SPOCK3: variants seen among roughly 807,000 people sequenced by gnomAD.
The protein encoded by SPOCK3 is testican-3.
A neutral mutation model predicts 56.6 loss-of-function variants in SPOCK3; 30 were observed. The ratio of observed to expected loss-of-function variants is 0.53; its 90% CI spans 0.40 to 0.72. The LOEUF (loss-of-function observed/expected upper bound fraction) is 0.72, where lower values mean the gene tolerates loss of function less well. Ranked by LOEUF, SPOCK3 falls within the 30% of genes least tolerant of loss-of-function variation. The pLI is 0.00. For synonymous variants in SPOCK3, 196 were observed against 183.3 expected (o/e 1.07, Z -0.56); for missense variants, 527 against 530.0 (o/e 0.99, Z 0.06).
chr4:166,777,112 CA>C (rs1739630394), intron 7 of SPOCK3, among the ~76,000 whole-genome samples: 1 of 152,070 alleles, frequency 6.6e-6, no homozygotes, highest in African/African-American at 2.4e-5. Flanking sequence ...AAACAAAACA[CA>C]GGAAGAATTA....
chr4:166,823,219 A>G (rs1745109582), intron 6 of SPOCK3, among the ~76,000 whole-genome samples: 2 of 152,022 alleles, frequency 1.3e-5, no homozygotes, highest in Non-Finnish European at 2.9e-5. Context: ...TCAAAGTGAT[A>G]AACACTTTCA....
intron 2 of SPOCK3, among the ~76,000 whole-genome samples, chr4:167,077,702 A>G (rs1757324085): frequency 6.6e-6 from 1 of 151,948 alleles, no homozygotes; most frequent in Admixed American, 6.6e-5. Context: ...TTGCACCTTA[A>G]TATGGCCCAA....
chr4:167,056,543 A>C (rs1561168415), intron 3 of SPOCK3, among the ~76,000 whole-genome samples: 1 of 152,158 alleles, frequency 6.6e-6, no homozygotes, highest in Non-Finnish European at 1.5e-5. Context: ...TTTGAAAAAA[A>C]TTTAGATGAA....
chr4:167,164,726 A>G (rs371617653), intron 2 of SPOCK3, among the ~76,000 whole-genome samples: 3 of 152,080 alleles, frequency 2.0e-5, no homozygotes, highest in East Asian at 1.9e-4. Flanking sequence ...TTTGCTGAGA[A>G]TGACGGCTTC....
intron 4 of SPOCK3, among the ~76,000 whole-genome samples, chr4:166,939,033 G>A (rs965512382): frequency 2.0e-5 from 3 of 151,778 alleles, no homozygotes; most frequent in Admixed American, 6.6e-5. Flanking sequence ...ATGTTTGTAC[G>A]TATTATAATC....
intron 4 of SPOCK3, among the ~76,000 whole-genome samples, chr4:166,967,288 C>T (rs568376677): frequency 6.6e-6 from 1 of 152,148 alleles, no homozygotes; most frequent in Admixed American, 6.5e-5. Flanking sequence ...AGCTGGTTAT[C>T]CAGTGCCTGA....
intron 2 of SPOCK3, chr4:167,083,154 G>A (rs1483215486): frequency 3.9e-6 from 3 of 764,128 alleles, no homozygotes; most frequent in Non-Finnish European, 7.2e-6. Flanking sequence ...GCCCTAGGCT[G>A]TTCTTCCTAC....
chr4:167,222,318 T>A, intron 2 of SPOCK3, among the ~76,000 whole-genome samples: 1 of 151,954 alleles, frequency 6.6e-6, no homozygotes, highest in East Asian at 1.9e-4. Context: ...TGTGGTTAAA[T>A]GAGTATAAAG....
intron 4 of SPOCK3, among the ~76,000 whole-genome samples, chr4:166,946,531 G>C (rs1741771289): frequency 6.6e-6 from 1 of 152,120 alleles, no homozygotes; most frequent in African/African-American, 2.4e-5. Flanking sequence ...CTCTTTCCCA[G>C]ACAGCCAATC....
At chr4:167,182,508 A>G (rs924650966) in intron 2 of SPOCK3, among the ~76,000 whole-genome samples, 2 of 151,998 alleles carry the variant, frequency 1.3e-5, no homozygotes, top group African/African-American at 4.8e-5. Flanking sequence ...AATCATAAAA[A>G]CATACCTGAC....
chr4:166,908,706 A>C (rs1385503529), intron 5 of SPOCK3, among the ~76,000 whole-genome samples: 1 of 152,102 alleles, frequency 6.6e-6, no homozygotes, highest in African/African-American at 2.4e-5. Flanking sequence ...GTTCTACTCA[A>C]GTCTAAAAGG....
chr4:167,152,539 G>T (rs815225), intron 2 of SPOCK3, among the ~76,000 whole-genome samples: 26,532 of 152,148 alleles, frequency 0.17, 2,453 homozygotes, highest in Admixed American at 0.23. Flanking sequence ...TGACACATCT[G>T]TGTGATAAAA....
At chr4:166,906,450 G>A (rs769529348) in intron 5 of SPOCK3, among the ~76,000 whole-genome samples, 13 of 145,778 alleles carry the variant, frequency 8.9e-5, no homozygotes, top group East Asian at 2.0e-4. Flanking sequence ...GATTATAGGC[G>A]TAAGCCACCA....
At chr4:166,765,077 T>C (rs1332269937) in intron 7 of SPOCK3, among the ~76,000 whole-genome samples, 1 of 152,196 alleles carries the variant, frequency 6.6e-6, no homozygotes, top group Non-Finnish European at 1.5e-5. Flanking sequence ...TCTTTGTAGA[T>C]TCTGGATATT....
At chr4:166,777,729 C>T (rs570585926) in intron 7 of SPOCK3, among the ~76,000 whole-genome samples, 1 of 152,068 alleles carries the variant, frequency 6.6e-6, no homozygotes, top group Admixed American at 6.6e-5. Context: ...AAAGTGAGGC[C>T]TTGTCTCAAA....
chr4:166,896,912 TC>T (rs536682490), intron 5 of SPOCK3, among the ~76,000 whole-genome samples: 33 of 151,890 alleles, frequency 2.2e-4, no homozygotes, highest in Non-Finnish European at 4.4e-4. Flanking sequence ...GCTCAACCCT[TC>T]CCCCCTTCAC....
At chr4:167,231,492 A>AGT (rs747202100) in intron 2 of SPOCK3, among the ~76,000 whole-genome samples, 144 of 152,142 alleles carry the variant, frequency 9.5e-4, no homozygotes, top group Non-Finnish European at 1.7e-3. Flanking sequence ...ATATAAAGTG[A>AGT]GTACATAAAT....
At chr4:167,151,376 G>C (rs1764401069) in intron 2 of SPOCK3, among the ~76,000 whole-genome samples, 1 of 149,358 alleles carries the variant, frequency 6.7e-6, no homozygotes, top group East Asian at 2.0e-4. Context: ...AACCCCAAAG[G>C]CTGCTCAGGC....
chr4:167,035,074 A>G (rs1752615840), intron 3 of SPOCK3, among the ~76,000 whole-genome samples: 1 of 152,176 alleles, frequency 6.6e-6, no homozygotes, highest in South Asian at 2.1e-4. Flanking sequence ...CCAAAAAACT[A>G]GACGAGTGAG....
Sources: gnomAD v4.1 joint callset for allele counts (sites outside exome capture counted in the v4.1 genomes callset) on GRCh38, gnomAD v4.1.1 for gene constraint, MANE v1.5 for transcripts, NCBI Gene and HGNC (gene_info 2026-07-23, HGNC 2026-07-21) for gene names.